COL5A2: variants seen among roughly 807,000 people sequenced by gnomAD.
COL5A2 encodes collagen type V alpha 2 chain, also known as collagen alpha-2(V) chain.
COL5A2 carries 23 observed loss-of-function variants against 208.2 expected under a neutral mutation model. That is an observed-to-expected ratio of 0.11 (90% CI 0.08 to 0.16). The LOEUF is 0.16. Ranked by LOEUF, COL5A2 falls within the 10% of genes least tolerant of loss-of-function variation. The probability of loss-of-function intolerance (pLI) is 1.00; values close to 1 mark genes in which losing one functional copy is unlikely to be tolerated. For synonymous variants in COL5A2, 625 were observed against 628.5 expected (o/e 0.99, Z 0.08); for missense variants, 1,590 against 1,956.4 (o/e 0.81, Z 3.53).
intron 42 of COL5A2, among the ~76,000 whole-genome samples, 154 bp from the exon 43 acceptor site, chr2:189,050,830 T>C (rs1465403839): frequency 6.6e-6 from 1 of 152,208 alleles, no homozygotes; most frequent in Non-Finnish European, 1.5e-5. Context: ...TAGTCATAAA[T>C]TGTAATCCGC....
At chr2:189,043,296 A>G in intron 47 of COL5A2, 38 bp from the exon 48 acceptor site, 1 of 1,454,350 alleles carries the variant, frequency 6.9e-7, no homozygotes, top group Non-Finnish European at 9.6e-7. Context: ...TACTTGCTAC[A>G]TATTATTGTT....
intron 15 of COL5A2, 118 bp downstream of exon 15, chr2:189,078,945 T>C: frequency 1.2e-6 from 1 of 825,204 alleles, no homozygotes; most frequent in East Asian, 2.7e-5. Flanking sequence ...ATTATTTTAC[T>C]AGCCAACATA....
chr2:189,231,640 C>T, the COL5A2 span, among the ~76,000 whole-genome samples: 1 of 151,166 alleles, frequency 6.6e-6, no homozygotes, highest in Non-Finnish European at 1.5e-5. Flanking sequence ...CATCTGGTAA[C>T]TTAAGAAAAA....
chr2:189,218,930 G>GT (rs533541365), intron 1 of COL5A2, among the ~76,000 whole-genome samples: 123 of 152,226 alleles, frequency 8.1e-4, no homozygotes, highest in African/African-American at 2.9e-3. Context: ...GAAAACAGTA[G>GT]TAAAAACCGG....
At chr2:189,349,531 A>G in the COL5A2 span, among the ~76,000 whole-genome samples, 2 of 152,232 alleles carry the variant, frequency 1.3e-5, no homozygotes, top group African/African-American at 2.4e-5. Flanking sequence ...TGGATGTTCA[A>G]TAAACACTAT....
intron 2 of COL5A2, among the ~76,000 whole-genome samples, chr2:189,107,448 CT>C (rs1687173422): frequency 6.6e-6 from 1 of 151,222 alleles, no homozygotes; most frequent in African/African-American, 2.4e-5. Flanking sequence ...TAGGTTAGAT[CT>C]TTTGGTTGGG....
intron 30 of COL5A2, among the ~76,000 whole-genome samples, chr2:189,061,172 A>G (rs1365283831): frequency 6.6e-6 from 1 of 152,156 alleles, no homozygotes; most frequent in Non-Finnish European, 1.5e-5. Context: ...AATAATGTAC[A>G]TACTGATATA....
chr2:189,213,905 T>C (rs954295282), intron 1 of COL5A2, among the ~76,000 whole-genome samples: 7 of 152,206 alleles, frequency 4.6e-5, no homozygotes, highest in African/African-American at 7.2e-5. Context: ...CGTCTTGATC[T>C]GGGTATAGTG....
chr2:189,332,006 T>C, the COL5A2 span, among the ~76,000 whole-genome samples: 1 of 149,990 alleles, frequency 6.7e-6, no homozygotes, highest in Non-Finnish European at 1.5e-5. Context: ...TATAAATATA[T>C]ACCGAGACAT....
chr2:189,129,862 G>A (rs1687677738), intron 1 of COL5A2, among the ~76,000 whole-genome samples: 1 of 152,028 alleles, frequency 6.6e-6, no homozygotes, highest in African/African-American at 2.4e-5. Context: ...GTTTGAAATT[G>A]TGCTCTCTTA....
chr2:189,096,911 A>G (rs1686930677), intron 6 of COL5A2, among the ~76,000 whole-genome samples: 1 of 152,196 alleles, frequency 6.6e-6, no homozygotes. Flanking sequence ...CACTTGAAAG[A>G]AAATTTTATC....
chr2:189,441,084 A>T, the COL5A2 span, among the ~76,000 whole-genome samples: 2 of 152,078 alleles, frequency 1.3e-5, no homozygotes, highest in East Asian at 3.9e-4. Context: ...GGCTCGCGTC[A>T]TCCTGCAGCG....
chr2:189,203,745 ATAAT>A (rs1392872241), intron 1 of COL5A2, among the ~76,000 whole-genome samples: 1 of 152,222 alleles, frequency 6.6e-6, no homozygotes, highest in Non-Finnish European at 1.5e-5. Flanking sequence ...AATTAAATGA[ATAAT>A]TAGTTACATA....
intron 45 of COL5A2, among the ~76,000 whole-genome samples, chr2:189,046,329 C>A (rs1340458755): frequency 2.0e-5 from 3 of 152,264 alleles, no homozygotes; most frequent in South Asian, 4.1e-4. Flanking sequence ...CTTATGTATT[C>A]TTTCAGAAAA....
In COL5A2 at chr2:189,096,515, G is replaced by A. The variant is rs961631368; in HGVS notation, c.456+762C>T. On this transcript the variant is annotated intron_variant, in intron 6 of 53. Transcript: ENST00000374866. ...CGGGCAACTGTAGTCCCAGCTACTC[G>A]GGAGGCTGAGGCAGGAGAATGGCGT... is the stretch of plus-strand genomic sequence containing the variant. 5.9e-4 allele frequency among the ~76,000 whole-genome samples: 90 copies of A among 151,392 alleles called. 5 individuals carry two copies. The highest frequency in any genetic ancestry group is 7.4e-5 in the Non-Finnish European group (5 of 67,858).
chr2:189,087,111 A>C (rs933499422), intron 8 of COL5A2, among the ~76,000 whole-genome samples: 1 of 152,244 alleles, frequency 6.6e-6, no homozygotes, highest in Non-Finnish European at 1.5e-5. Context: ...GGCTGACATA[A>C]GTTAGTTCTC....
the COL5A2 span, among the ~76,000 whole-genome samples, chr2:189,394,857 T>C: frequency 6.6e-6 from 1 of 152,234 alleles, no homozygotes; most frequent in Non-Finnish European, 1.5e-5. Flanking sequence ...AGACTCACTT[T>C]TTTGCTCATA....
chr2:189,153,494 A>T (rs192629402), intron 1 of COL5A2, among the ~76,000 whole-genome samples: 2 of 152,290 alleles, frequency 1.3e-5, no homozygotes, highest in African/African-American at 4.8e-5. Context: ...ATAATATCTA[A>T]CAAGCATATT....
intron 1 of COL5A2, among the ~76,000 whole-genome samples, chr2:189,217,815 G>A (rs755141203): frequency 2.0e-5 from 3 of 152,148 alleles, no homozygotes; most frequent in Non-Finnish European, 2.9e-5. Flanking sequence ...CACCCAGTGA[G>A]GAAGGGACTG....
Sources: gnomAD v4.1 joint callset for allele counts (sites outside exome capture counted in the v4.1 genomes callset) on GRCh38, gnomAD v4.1.1 for gene constraint, MANE v1.5 for transcripts, NCBI Gene and HGNC (gene_info 2026-07-23, HGNC 2026-07-21) for gene names.